Variants in CSMD1 observed in about 807,000 individuals in gnomAD.
The protein encoded by CSMD1 is CUB and Sushi multiple domains 1.
In CSMD1, 213 loss-of-function variants were observed where a neutral mutation model predicts 417.5. That is an observed-to-expected ratio of 0.51 (90% CI 0.46 to 0.57). The LOEUF is 0.57. Ranked by LOEUF, CSMD1 falls within the 20% of genes least tolerant of loss-of-function variation. The pLI, the probability that CSMD1 is intolerant of heterozygous loss-of-function variation, is 0.00. For synonymous variants in CSMD1, 2,862 were observed against 1,736.8 expected (o/e 1.65, Z -16.11); for missense variants, 6,923 against 4,529.7 (o/e 1.53, Z -15.17).
intron 23 of CSMD1, among the ~76,000 whole-genome samples, chr8:3,319,422 C>T (rs1011221351): frequency 7.2e-5 from 11 of 152,032 alleles, no homozygotes; most frequent in Non-Finnish European, 4.4e-5. Context: ...TAATTGAAAA[C>T]AGAGTTTGAT....
At chr8:4,641,091 T>C (rs968564368) in intron 1 of CSMD1, among the ~76,000 whole-genome samples, 4 of 151,388 alleles carry the variant, frequency 2.6e-5, no homozygotes, top group African/African-American at 9.7e-5. Context: ...TGTATTTTGG[T>C]ATGCATGCAA....
intron 8 of CSMD1, among the ~76,000 whole-genome samples, chr8:3,594,336 C>T (rs2117042311): frequency 6.6e-6 from 1 of 152,206 alleles, no homozygotes; most frequent in Middle Eastern, 3.4e-3. Context: ...ACTGATTTGC[C>T]TTTAGTAAAA....
chr8:3,866,851 T>C (rs1805139772), intron 5 of CSMD1, among the ~76,000 whole-genome samples: 1 of 152,180 alleles, frequency 6.6e-6, no homozygotes, highest in Non-Finnish European at 1.5e-5. Context: ...AAATTTACCA[T>C]GTTACTAGGA....
intron 25 of CSMD1, among the ~76,000 whole-genome samples, chr8:3,296,670 G>C (rs180751732): frequency 1.2e-3 from 180 of 152,282 alleles, no homozygotes; most frequent in Admixed American, 2.6e-3. Flanking sequence ...CACTGGTCAG[G>C]TCCTGGATAC....
intron 4 of CSMD1, among the ~76,000 whole-genome samples, chr8:4,023,477 A>G (rs6991243): frequency 0.16 from 24,343 of 152,150 alleles, 2,626 homozygotes; most frequent in African/African-American, 0.29. Context: ...TAGGGATTGC[A>G]ATGTTGGAAT....
At chr8:4,306,457 C>T (rs1798253188) in intron 3 of CSMD1, among the ~76,000 whole-genome samples, 1 of 152,152 alleles carries the variant, frequency 6.6e-6, no homozygotes, top group African/African-American at 2.4e-5. Context: ...TATTTTATCA[C>T]CTCCATATTG....
chr8:3,453,276 A>AT (rs922360349), intron 12 of CSMD1, among the ~76,000 whole-genome samples: 5 of 151,570 alleles, frequency 3.3e-5, no homozygotes, highest in Non-Finnish European at 5.9e-5. Flanking sequence ...TCCTGGATTC[A>AT]TTTTTTTTGA....
chr8:4,345,654 T>C (rs10103663), intron 3 of CSMD1, among the ~76,000 whole-genome samples: 13,310 of 152,074 alleles, frequency 0.088, 1,777 homozygotes, highest in African/African-American at 0.29. Context: ...TTCAAATGAC[T>C]GGAAGAGACC....
intron 12 of CSMD1, among the ~76,000 whole-genome samples, chr8:3,448,904 C>T (rs185849995): frequency 6.6e-6 from 1 of 152,294 alleles, no homozygotes; most frequent in East Asian, 1.9e-4. Context: ...AGAAGCACCT[C>T]CCTATGTATG....
intron 3 of CSMD1, among the ~76,000 whole-genome samples, chr8:4,157,416 G>C (rs752411381): frequency 6.6e-5 from 10 of 152,154 alleles, no homozygotes; most frequent in East Asian, 5.8e-4. Flanking sequence ...TTCTATTTTC[G>C]TCCTTTTTCT....
intron 12 of CSMD1, among the ~76,000 whole-genome samples, chr8:3,419,934 C>T (rs775590755): frequency 8.5e-5 from 13 of 152,248 alleles, no homozygotes; most frequent in Middle Eastern, 3.4e-3. Flanking sequence ...ATCTGTGTGA[C>T]TTCCTGTGAG....
intron 3 of CSMD1, among the ~76,000 whole-genome samples, chr8:4,052,601 A>T (rs1199850768): frequency 6.6e-6 from 1 of 152,164 alleles, no homozygotes; most frequent in Non-Finnish European, 1.5e-5. Flanking sequence ...CCTCCATATA[A>T]TTTAAGTATT....
intron 3 of CSMD1, among the ~76,000 whole-genome samples, chr8:4,412,642 A>C (rs1433504095): frequency 2.0e-5 from 3 of 152,232 alleles, no homozygotes; most frequent in Non-Finnish European, 4.4e-5. Flanking sequence ...ACGGAATCAG[A>C]AACTAGATTT....
chr8:3,311,781 T>TATCAATCA (rs76206030), intron 23 of CSMD1, among the ~76,000 whole-genome samples: 1 of 152,132 alleles, frequency 6.6e-6, no homozygotes, highest in Non-Finnish European at 1.5e-5. Context: ...CAGAAGCGTT[T>TATCAATCA]ATCAATCATA....
chr8:4,547,037 C>T (rs1797669992), intron 2 of CSMD1, among the ~76,000 whole-genome samples: 1 of 152,088 alleles, frequency 6.6e-6, no homozygotes, highest in African/African-American at 2.4e-5. Context: ...TCTTTGAGCT[C>T]CAAATTCATA....
chr8:3,033,740 C>G (rs918001701), intron 50 of CSMD1, among the ~76,000 whole-genome samples: 4 of 152,128 alleles, frequency 2.6e-5, no homozygotes, highest in Non-Finnish European at 5.9e-5. Flanking sequence ...ATGTTCTGCA[C>G]ATGATTCCCA....
intron 2 of CSMD1, among the ~76,000 whole-genome samples, chr8:4,585,395 C>T (rs527331428): frequency 6.6e-5 from 10 of 151,810 alleles, no homozygotes; most frequent in South Asian, 2.1e-4. Context: ...AGAGGGATAA[C>T]GAAACTAATA....
intron 2 of CSMD1, among the ~76,000 whole-genome samples, chr8:4,560,862 C>T (rs530314847): frequency 9.2e-5 from 14 of 152,284 alleles, no homozygotes; most frequent in African/African-American, 2.9e-4. Flanking sequence ...ATCTCTTGGA[C>T]ATCAAATCCC....
At chr8:4,073,260 A>G (rs1048370829) in intron 3 of CSMD1, among the ~76,000 whole-genome samples, 2 of 152,182 alleles carry the variant, frequency 1.3e-5, no homozygotes, top group Non-Finnish European at 1.5e-5. Context: ...AGAAGGTAAA[A>G]ATAGGCCAAA....
Sources: gnomAD v4.1 joint callset for allele counts (sites outside exome capture counted in the v4.1 genomes callset) on GRCh38, gnomAD v4.1.1 for gene constraint, MANE v1.5 for transcripts, NCBI Gene and HGNC (gene_info 2026-07-23, HGNC 2026-07-21) for gene names.